Variants in GNL3L observed in about 807,000 individuals in gnomAD.
GNL3L encodes the protein G protein nucleolar 3 like, also known as guanine nucleotide-binding protein-like 3-like protein.
GNL3L carries 4 observed loss-of-function variants against 42.9 expected under a neutral mutation model. That is an observed-to-expected ratio of 0.09 (90% CI 0.05 to 0.21). GNL3L has a LOEUF of 0.21. Ranked by LOEUF, GNL3L falls within the 10% of genes least tolerant of loss-of-function variation. The pLI is 1.00. For missense variants in GNL3L, 412 were observed against 481.7 expected (o/e 0.86, Z 1.36); for synonymous variants, 159 against 176.3 (o/e 0.90, Z 0.78).
Position 54,541,585 on chromosome X carries a change from G to A in GNL3L, c.306+196G>A, listed in dbSNP as rs749171408. ...TAAAGGGCCATTTTGAGCCTTACCC[G>A]TGACTGGACACCTCTGGAGAGCTCC... On this transcript the variant is annotated intron_variant, in intron 5 of 15. Coordinates refer to ENST00000360845, the MANE Select transcript of GNL3L (RefSeq NM_001184819.2). Among the ~76,000 whole-genome samples, 3 of 110,050 alleles carry A rather than the reference G, an allele frequency of 2.7e-5. No homozygotes were observed. The Admixed American group carries it at 2.9e-4, about 11-fold the overall frequency.
rs1924568709 is a variant in GNL3L at position 54,540,246 on chromosome X, A to C, written c.189+4A>C. 8.8e-7 allele frequency: 1 copy of C among 1,131,948 alleles called. No homozygotes were observed. The highest frequency in any genetic ancestry group is 1.2e-6 in the Non-Finnish European group (1 of 823,719). 93.3% of individuals were successfully genotyped at this position (1,131,948 alleles called of 1,213,427 possible). On this transcript the variant is annotated splice_donor_region_variant and intron_variant, in intron 4 of 15. Transcript: ENST00000360845. The stretch of plus-strand genomic sequence containing the variant: ...GGCTGAATTAAAGAAGAAGTGGGTA[A>C]GCTTTTTGCCTTGGTGGGGAGAGAG...
chrX:54,625,292 T>TTGTTTTG (rs202228252), downstream of GNL3L, among the ~76,000 whole-genome samples: 86 of 98,468 alleles, frequency 8.7e-4, no homozygotes, highest in African/African-American at 3.8e-3. Flanking sequence ...TTGTTTTGTT[T>TTGTTTTG]TTTTTTTTTT....
chrX:54,554,602 C>G lies in GNL3L; in HGVS notation c.1356C>G (p.Asp452Glu), dbSNP rs868131280. Residue 452 changes from aspartate (D) to glutamate (E), a missense_variant, in exon 14 of 16, where the codon GAC (aspartate) becomes GAG (glutamate). Transcript: ENST00000360845. ...ATGESDELLG[D>E]TDPLEMEIKL... ...GAGAATCTGATGAGCTGTTGGGTGA[C>G]ACGGACCCACTTGAAATGGAGATCA... is the stretch of plus-strand genomic sequence containing the variant. 1.7e-6 allele frequency: 2 copies of G among 1,201,467 alleles called. No homozygotes were observed. Among genetic ancestry groups the G allele is most frequent in the Non-Finnish European group, 2.3e-6 (2 of 886,400 alleles).
chrX:54,627,111 C>T, the GNL3L span, among the ~76,000 whole-genome samples: 7 of 110,548 alleles, frequency 6.3e-5, no homozygotes, highest in African/African-American at 1.6e-4. Flanking sequence ...TGGGTTCAAG[C>T]GATTCTCCTG....
intron 16 of GNL3L, among the ~76,000 whole-genome samples, chrX:54,612,930 A>G (rs1468183798): frequency 1.8e-5 from 2 of 111,302 alleles, no homozygotes; most frequent in Admixed American, 1.9e-4. Context: ...TTTGCGATGA[A>G]TTTTCCAGGT....
intron 5 of GNL3L, 130 bp downstream of exon 5, chrX:54,541,519 A>G (rs1924617349): frequency 3.6e-6 from 1 of 276,110 alleles, no homozygotes; most frequent in Non-Finnish European, 7.0e-6. Context: ...ATAGAAAACC[A>G]TGGGGACGGA....
chrX:54,629,365 A>G, the GNL3L span, among the ~76,000 whole-genome samples: 2 of 111,531 alleles, frequency 1.8e-5, no homozygotes, highest in South Asian at 7.5e-4. Flanking sequence ...AATGCTTTCA[A>G]CTTTTCCCCA....
chrX:54,547,291 C>T (rs1028600770), intron 8 of GNL3L, among the ~76,000 whole-genome samples: 4 of 111,414 alleles, frequency 3.6e-5, no homozygotes, highest in Non-Finnish European at 5.7e-5. Flanking sequence ...CCACAGCACC[C>T]GGCCAGAAGC....
chrX:54,548,422 ACACTTCGCTGGGGGAAAGGATC>A (rs769877549), intron 9 of GNL3L, 49 bp downstream of exon 9: 72 of 1,032,258 alleles, frequency 7.0e-5, no homozygotes, highest in Non-Finnish European at 9.1e-5. Context: ...TCTTGAGCGG[ACACTTCGCTGGGGGAAAGGATC>A]CTGGGAGCTT....
At position 54,564,786 on chromosome X, in the gene GNL3L, T is replaced by C. The variant is rs1335535611; in HGVS notation, c.*4184T>C. On this transcript the variant is annotated 3_prime_UTR_variant, in exon 16 of 16. Coordinates refer to ENST00000360845, the MANE Select transcript of GNL3L (RefSeq NM_001184819.2). The stretch of plus-strand genomic sequence containing the variant: ...TCTCACTCTTTCACTGAGGCTGGAG[T>C]GCAGTGGCGTGATCTTGGCTCACTG... Among the ~76,000 whole-genome samples the C allele has an allele frequency of 1.0e-5, 1 of 96,235 alleles. No homozygotes were observed. Among genetic ancestry groups the C allele is most frequent in the Non-Finnish European group, 2.0e-5 (1 of 48,864 alleles). 83.6% of individuals were successfully genotyped at this position (96,235 alleles called of 115,157 possible). A position where few individuals can be genotyped will look rare whatever the true frequency, so the allele number is the denominator to read the frequency against.
chrX:54,540,136 C>T lies in GNL3L; in HGVS notation c.83C>T (p.Pro28Leu). 1 of 1,193,415 alleles carries T rather than the reference C, an allele frequency of 8.4e-7. No individual in the cohort carries two copies. The highest frequency in any genetic ancestry group is 1.1e-6 in the Non-Finnish European group (1 of 879,481). The change falls in exon 4 of 16, where the codon CCT (proline) becomes CTT (leucine). Residue 28 changes from proline (P) to leucine (L), a missense_variant and splice_region_variant. Transcript: ENST00000360845. ...HKKISWPYPQ[P>L]AKQNGKKATS... ...TTTTTTCTCTTATGTGGTGGCCAGC[C>T]TGCAAAGCAAAATGGGAAGAAAGCA...
At chrX:54,610,583 T>C (rs1039047578) in intron 16 of GNL3L, among the ~76,000 whole-genome samples, 3 of 111,922 alleles carry the variant, frequency 2.7e-5, no homozygotes, top group Non-Finnish European at 5.6e-5. Flanking sequence ...TGTTGAATGC[T>C]TTTTCTGCAT....
chrX:54,549,247 CAT>C (rs1433468762), intron 9 of GNL3L, among the ~76,000 whole-genome samples: 38 of 111,608 alleles, frequency 3.4e-4, no homozygotes, highest in Non-Finnish European at 6.8e-4. Flanking sequence ...CTTAAGTACA[CAT>C]ACAGATCCAC....
chrX:54,614,076 C>T, intron 16 of GNL3L, among the ~76,000 whole-genome samples: 1 of 110,431 alleles, frequency 9.1e-6, no homozygotes, highest in Admixed American at 9.7e-5. Flanking sequence ...TGAGCTCACA[C>T]TCTCCTTGGG....
At chrX:54,530,901 C>T (rs1208234180) in intron 1 of GNL3L, among the ~76,000 whole-genome samples, 1 of 111,192 alleles carries the variant, frequency 9.0e-6, no homozygotes, top group East Asian at 2.9e-4. Context: ...GAGGGCACCT[C>T]CTCCCCATAC....
At chrX:54,576,446 C>G (rs1422535031) in intron 16 of GNL3L, among the ~76,000 whole-genome samples, 1 of 111,559 alleles carries the variant, frequency 9.0e-6, no homozygotes, top group East Asian at 2.8e-4. Context: ...TTGTCACAGT[C>G]TGTGCCCTTT....
chrX:54,639,437 C>A, the GNL3L span, among the ~76,000 whole-genome samples: 1 of 112,387 alleles, frequency 8.9e-6, no homozygotes, highest in Non-Finnish European at 1.9e-5. Flanking sequence ...CTTGCACTCG[C>A]AAGCGCAGCT....
At chrX:54,629,941 T>C in the GNL3L span, among the ~76,000 whole-genome samples, 2 of 112,052 alleles carry the variant, frequency 1.8e-5, no homozygotes, top group East Asian at 5.6e-4. Flanking sequence ...CTGCTTGTTA[T>C]CAGTCTATTC....
At chrX:54,570,394 A>T (rs144913568), downstream of GNL3L, among the ~76,000 whole-genome samples, 1 of 111,712 alleles carries the variant, frequency 9.0e-6, no homozygotes. Context: ...TAACTATGGT[A>T]TATCTTTTTC....
Sources: allele counts gnomAD v4.1 joint callset (sites outside exome capture counted in the v4.1 genomes callset), GRCh38; gene constraint gnomAD v4.1.1; transcripts MANE v1.5; gene names NCBI Gene and HGNC (gene_info 2026-07-23, HGNC 2026-07-21).